RGS22: variants seen among roughly 807,000 people sequenced by gnomAD.
RGS22 encodes regulator of G-protein signaling 22.
Under a neutral mutation model 172.9 loss-of-function variants are expected in RGS22, and 148 were observed. The ratio of observed to expected loss-of-function variants is 0.86; its 90% confidence interval spans 0.75 to 0.98. The LOEUF (loss-of-function observed/expected upper bound fraction) is 0.98, where lower values mean the gene tolerates loss of function less well. RGS22 is among the 50% of genes least tolerant of loss of function. RGS22 has a pLI of 0.00. For missense variants in RGS22, 1,347 were observed against 1,440.8 expected, an observed-to-expected ratio of 0.93 and a Z score of 1.05; for synonymous variants, 458 against 480.2, an observed-to-expected ratio of 0.95 and a Z score of 0.60.
intron 9 of RGS22, 80 bp from the exon 10 acceptor site, chr8:100,053,056 C>T: frequency 2.4e-6 from 3 of 1,268,618 alleles, no homozygotes; most frequent in South Asian, 2.6e-5. Flanking sequence ...TACATAATAG[C>T]TGTGCTCACA....
chr8:100,087,994 C>T (rs577368710), intron 3 of RGS22, among the ~76,000 whole-genome samples: 1 of 152,164 alleles, frequency 6.6e-6, no homozygotes, highest in East Asian at 1.9e-4. Context: ...TTTCCTAGAG[C>T]TTTATCAACA....
intron 1 of RGS22, 142 bp from the exon 2 acceptor site, chr8:100,105,544 A>G (rs973927644): frequency 1.4e-5 from 10 of 711,222 alleles, no homozygotes; most frequent in African/African-American, 5.4e-5. Flanking sequence ...TTCTCTGTAC[A>G]TGGCTTGCAT....
chr8:100,105,807 G>A (rs1265397930), intron 1 of RGS22, 90 bp downstream of exon 1: 4 of 1,156,406 alleles, frequency 3.5e-6, no homozygotes, highest in African/African-American at 3.3e-5. Flanking sequence ...GATACCGCTA[G>A]GAGGGCAGGA....
rs148424420 is a variant in RGS22 at position 100,041,885 on chromosome 8, T to C, written c.1855A>G (p.Ile619Val). Residue 619 changes from isoleucine (I) to valine (V), a missense_variant, in exon 12 of 28, where the codon ATT becomes GTT. Coordinates refer to ENST00000360863, the MANE Select transcript of RGS22 (RefSeq NM_015668.5). The part of the protein sequence containing the change: ...SKYMSESSKV[I>V]HLTSFTDISE... ...ATGTCAGTAAAAGATGTTAAATGAA[T>C]GACTTTGCTGCTTTCTGACATGTAC... 3.8e-3 allele frequency: 6,119 copies of C among 1,612,456 alleles called. 45 individuals carry two copies. The highest frequency in any genetic ancestry group is 3.3e-3 in the Non-Finnish European group (3,838 of 1,178,830).
chr8:100,050,003 C>A (rs867605969), intron 10 of RGS22, among the ~76,000 whole-genome samples: 13 of 148,402 alleles, frequency 8.8e-5, no homozygotes, highest in Non-Finnish European at 1.9e-4. Flanking sequence ...GAGCCGAGAC[C>A]ATGCCATTGC....
chr8:99,972,762 G>A (rs1395595602), intron 23 of RGS22, among the ~76,000 whole-genome samples: 1 of 152,144 alleles, frequency 6.6e-6, no homozygotes, highest in African/African-American at 2.4e-5. Context: ...AGCTGGGCGT[G>A]GTGGCTCACG....
intron 4 of RGS22, among the ~76,000 whole-genome samples, chr8:100,078,588 T>A (rs1401989747): frequency 6.6e-6 from 1 of 151,982 alleles, no homozygotes; most frequent in African/African-American, 2.4e-5. Context: ...TAGTACTTTT[T>A]AATTCCTTTG....
At chr8:100,008,745 CTT>C (rs754880871) in intron 14 of RGS22, among the ~76,000 whole-genome samples, 176 bp from the exon 15 acceptor site, 6 of 152,258 alleles carry the variant, frequency 3.9e-5, no homozygotes, top group African/African-American at 1.2e-4. Flanking sequence ...ATTCGAAAGA[CTT>C]TGTTTTTCCT....
rs766945162 is a variant in RGS22, at chr8:99,989,905, T to TAG, written c.3019-2287_3019-2286insCT. Among the ~76,000 whole-genome samples the TAG allele has an allele frequency of 2.2e-3, 322 of 144,508 alleles. 2 individuals carry two copies. The highest frequency in any genetic ancestry group is 9.3e-3 in the South Asian group (42 of 4,532). The allele number at this position is 144,508 out of a possible 152,430, so 94.8% of individuals were successfully genotyped here. The stretch of plus-strand genomic sequence containing the variant: ...ATAGATAGATAGATAGATAGATAGA[T>TAG]ATAGATAGATAGATAGACAGATAGA... On this transcript the variant is annotated intron_variant, in intron 20 of 27. Transcript: ENST00000360863.
intron 14 of RGS22, among the ~76,000 whole-genome samples, chr8:100,035,374 C>A (rs1407216423): frequency 6.6e-6 from 1 of 152,154 alleles, no homozygotes; most frequent in Non-Finnish European, 1.5e-5. Context: ...TCATCACTGA[C>A]CATCAGAGAA....
At position 100,071,425 on chromosome 8, in the gene RGS22, C is replaced by T. The variant is rs1343834503; in HGVS notation, c.538G>A (p.Ala180Thr). The change falls in exon 6 of 28, where the codon GCC becomes ACC. Residue 180 changes from alanine (A) to threonine (T), a missense_variant. Physicochemically the swap from Ala to Thr is moderately conservative, Grantham distance 58. Coordinates refer to ENST00000360863, the MANE Select transcript of RGS22 (RefSeq NM_015668.5). ...VKKPPSLPPP[A>T]TEEDNLVIMK... is the part of the protein sequence containing the mutation. ...ATTACAAGATTATCTTCTTCAGTGG[C>T]AGGAGGTGGTAGACTGGGTGGTTTT... The T allele has an allele frequency of 6.2e-7, 1 of 1,612,894 alleles. No homozygotes were observed. Among genetic ancestry groups the T allele is most frequent in the South Asian group, 1.1e-5 (1 of 90,898 alleles).
At chr8:99,966,510 A>G (rs1344294503) in intron 23 of RGS22, among the ~76,000 whole-genome samples, 12 of 152,168 alleles carry the variant, frequency 7.9e-5, no homozygotes, top group Non-Finnish European at 1.5e-5. Flanking sequence ...AAGTAATTAT[A>G]ACAAAAAAGA....
chr8:99,961,652 C>T lies in RGS22; in HGVS notation c.*46-456G>A, dbSNP rs138294908. Reference sequence around the variant, plus strand: ...GTATTTCTTCATAGGAGCATGAGAACGGACTAATACAGTTGTCATAAGGAT... The same window carrying T: ...GTATTTCTTCATAGGAGCATGAGAATGGACTAATACAGTTGTCATAAGGAT... On this transcript the variant is annotated intron_variant, in intron 27 of 27. Coordinates refer to ENST00000360863, the MANE Select transcript of RGS22 (RefSeq NM_015668.5). Among the ~76,000 whole-genome samples, 1,206 of 152,128 alleles carry T rather than the reference C, an allele frequency of 7.9e-3. 9 individuals carry two copies. Among genetic ancestry groups the T allele is most frequent in the Middle Eastern group, 0.014 (4 of 294 alleles).
At chr8:100,082,506 T>G (rs1483354505) in intron 3 of RGS22, among the ~76,000 whole-genome samples, 1 of 152,208 alleles carries the variant, frequency 6.6e-6, no homozygotes, top group African/African-American at 2.4e-5. Context: ...CCTGCATTAA[T>G]TCCCTTGGGT....
chr8:99,982,099 A>G lies in RGS22; in HGVS notation c.3198T>C (p.His1066=). The stretch of plus-strand genomic sequence containing the variant: ...TCTTCTGGATGACAGACTCATCACA[A>G]TGAGAATGGCACAAGTCCTGAACAG... ...VQKYKDLCHS[H]CDESVIQKKI... Residue 1066 remains histidine (H), a synonymous_variant, in exon 22 of 28, where the codon CAT becomes CAC. Coordinates refer to ENST00000360863, the MANE Select transcript of RGS22 (RefSeq NM_015668.5). The G allele has an allele frequency of 1.2e-6, 2 of 1,612,994 alleles. No homozygotes were observed. The highest frequency in any genetic ancestry group is 8.5e-7 in the Non-Finnish European group (1 of 1,179,322).
intron 3 of RGS22, chr8:100,093,180 CAT>C (rs963542487): frequency 1.4e-5 from 4 of 283,510 alleles, no homozygotes; most frequent in African/African-American, 9.0e-5. Context: ...AAAAGCCTAA[CAT>C]GGTGCCAAAT....
chr8:99,992,992 T>G (rs1487300550), intron 20 of RGS22, among the ~76,000 whole-genome samples: 3 of 152,160 alleles, frequency 2.0e-5, no homozygotes, highest in African/African-American at 7.2e-5. Context: ...ACATGGAAAC[T>G]GAACAACTTG....
chr8:100,056,374 G>T (rs768698969), intron 9 of RGS22, among the ~76,000 whole-genome samples: 7 of 152,222 alleles, frequency 4.6e-5, no homozygotes, highest in South Asian at 4.1e-4. Flanking sequence ...GCTGGCTGCA[G>T]AAATTTGCAT....
At chr8:100,031,574 C>A (rs553438877) in intron 14 of RGS22, among the ~76,000 whole-genome samples, 1 of 150,928 alleles carries the variant, frequency 6.6e-6, no homozygotes, top group Non-Finnish European at 1.5e-5. Flanking sequence ...AAATTTGGTG[C>A]GTGTGTGTGT....
Sources: allele counts gnomAD v4.1 joint callset (sites outside exome capture counted in the v4.1 genomes callset), GRCh38; gene constraint gnomAD v4.1.1; transcripts MANE v1.5; gene names NCBI Gene and HGNC (gene_info 2026-07-23, HGNC 2026-07-21).